Variants in SPG11 observed in about 807,000 individuals in gnomAD.
The protein encoded by SPG11 is SPG11 vesicle trafficking associated, spatacsin, also known as spatacsin.
Under a neutral mutation model 274.0 loss-of-function variants are expected in SPG11, and 222 were observed. That is an observed-to-expected ratio of 0.81 (90% CI 0.73 to 0.91). The LOEUF is 0.91. Ranked by LOEUF, SPG11 falls within the 40% of genes least tolerant of loss-of-function variation. The probability of loss-of-function intolerance (pLI) is 0.00; values close to 1 mark genes in which losing one functional copy is unlikely to be tolerated. For missense variants in SPG11, 3,114 were observed against 2,872.7 expected (o/e 1.08, Z -1.92); for synonymous variants, 1,144 against 1,039.7 (o/e 1.10, Z -1.93).
chr15:44,626,894 C>T (rs1267457939), intron 10 of SPG11, among the ~76,000 whole-genome samples: 1 of 151,832 alleles, frequency 6.6e-6, no homozygotes, highest in Non-Finnish European at 1.5e-5. Context: ...GTAAGTGTTC[C>T]GTAGATATAC....
rs984421764 is a variant in SPG11, at chr15:44,567,571, G to A, written c.6607C>T (p.Leu2203=). The change falls in exon 36 of 40, where the codon CTG becomes TTG. Residue 2203 remains leucine, a synonymous_variant. Coordinates refer to ENST00000261866, the MANE Select transcript of SPG11 (RefSeq NM_025137.4). ...LDPSGTLKTA[L]LDYIKRCRPG... ...CGGCAGCGTTTGATGTAGTCCAGCA[G>A]GGCTGTTTTCAGGGTACCACTCTGC... 18 of 1,613,874 alleles carry A rather than the reference G, an allele frequency of 1.1e-5. No individual in the cohort carries two copies. Among genetic ancestry groups the A allele is most frequent in the African/African-American group, 4.0e-5 (3 of 74,876 alleles).
At chr15:44,639,594 T>C (rs2084381540) in intron 7 of SPG11, among the ~76,000 whole-genome samples, 1 of 151,858 alleles carries the variant, frequency 6.6e-6, no homozygotes. Context: ...TCCCAGCTAC[T>C]CAGAGGCTCA....
intron 29 of SPG11, 76 bp from the exon 30 acceptor site, chr15:44,584,634 T>TG: frequency 3.3e-6 from 5 of 1,537,492 alleles, no homozygotes; most frequent in South Asian, 1.1e-5. Flanking sequence ...TCCCTAAGTA[T>TG]ATCATACTTG....
intron 7 of SPG11, among the ~76,000 whole-genome samples, chr15:44,638,204 G>T (rs946914520): frequency 2.6e-5 from 4 of 152,226 alleles, no homozygotes; most frequent in African/African-American, 9.6e-5. Flanking sequence ...GCTCACGCCT[G>T]TAATCCCAAC....
rs771202464 is a variant in SPG11, at chr15:44,584,013, G to A, written c.5667C>T (p.Gly1889=). The A allele has an allele frequency of 1.2e-6, 2 of 1,614,230 alleles. No individual in the cohort carries two copies. Among genetic ancestry groups the A allele is most frequent in the Non-Finnish European group, 1.7e-6 (2 of 1,180,044 alleles). The change falls in exon 30 of 40, where the codon GGC becomes GGT. Residue 1889 remains glycine, a synonymous_variant. Coordinates refer to ENST00000261866, the MANE Select transcript of SPG11 (RefSeq NM_025137.4). ...ATACTCTACTTGCTTCATGCACACA[G>A]CCATCATCCAGTAGGCGCCCAATCA... ...NFLIGRLLDD[G]CVHEASRVCR... is the part of the protein sequence containing the mutation.
chr15:44,586,417 G>C (rs973452988), intron 28 of SPG11, among the ~76,000 whole-genome samples: 4 of 151,736 alleles, frequency 2.6e-5, no homozygotes, highest in African/African-American at 9.7e-5. Flanking sequence ...AGGCCGAGGT[G>C]GGTGGATCAC....
intron 7 of SPG11, among the ~76,000 whole-genome samples, chr15:44,645,028 A>G (rs1336390201): frequency 1.3e-5 from 2 of 152,238 alleles, no homozygotes. Flanking sequence ...TGCTATTCCT[A>G]TCAAACTACC....
At position 44,600,504 on chromosome 15, in the gene SPG11, C is replaced by T; in HGVS notation, c.3649G>A (p.Val1217Ile). ...GTCTTGCTCTTGATTAATTCCTGGA[C>T]CAGAAAAGTACCAAATGCAAATGAT... ...RPSFAFGTFL[V>I]QELIKSKTPK... The change falls in exon 21 of 40, where the codon GTC becomes ATC. Residue 1217 changes from valine to isoleucine, a missense_variant. Physicochemically the swap from Val to Ile is conservative, Grantham distance 29. Transcript: ENST00000261866. 6.2e-7 allele frequency: 1 copy of T among 1,613,952 alleles called. No individual in the cohort carries two copies. Among genetic ancestry groups the T allele is most frequent in the Non-Finnish European group, 8.5e-7 (1 of 1,179,996 alleles).
chr15:44,571,328 T>C (rs2082418525), intron 33 of SPG11, among the ~76,000 whole-genome samples: 1 of 152,076 alleles, frequency 6.6e-6, no homozygotes, highest in Non-Finnish European at 1.5e-5. Context: ...CTTGACCCCA[T>C]CATTCTGGCT....
intron 30 of SPG11, among the ~76,000 whole-genome samples, chr15:44,575,619 C>T (rs1362945285): frequency 9.9e-5 from 15 of 151,564 alleles, no homozygotes; most frequent in East Asian, 2.0e-4. Flanking sequence ...CTCAGCCTCT[C>T]GAGTAGCTGG....
At chr15:44,615,591 A>G in intron 15 of SPG11, 25 bp from the exon 16 acceptor site, 1 of 1,607,156 alleles carries the variant, frequency 6.2e-7, no homozygotes, top group Non-Finnish European at 8.5e-7. Flanking sequence ...ATAGGATGTC[A>G]AGTTAAAAAG....
In SPG11 at chr15:44,589,354, C is replaced by T. The variant is rs754536969; in HGVS notation, c.4804G>A (p.Val1602Met). Residue 1602 changes from valine (V) to methionine (M), a missense_variant, in exon 28 of 40, where the codon GTG becomes ATG. Physicochemically the swap from Val to Met is conservative, Grantham distance 21. Coordinates refer to ENST00000261866, the MANE Select transcript of SPG11 (RefSeq NM_025137.4). ...AGCATAAGCTTCAAAAGGAAACACA[C>T]CTGATCCTCCAGCCACATGGCAGGG... is the stretch of plus-strand genomic sequence containing the variant. ...VIPAMWLEDQ[V>M]CFLLKLMLQQ... The T allele has an allele frequency of 5.0e-6, 8 of 1,614,154 alleles. No individual in the cohort carries two copies. In the South Asian group the frequency reaches 8.8e-5, roughly 18 times the overall value.
In SPG11 at chr15:44,572,901, A is replaced by G; in HGVS notation, c.6206-81T>C. 1.4e-6 allele frequency: 2 copies of G among 1,425,948 alleles called. 1 individual carries two copies. Among genetic ancestry groups the G allele is most frequent in the South Asian group, 2.3e-5 (2 of 87,336 alleles). 88.3% of individuals were successfully genotyped at this position (1,425,948 alleles called of 1,614,324 possible). ...GCCCAGGCTTAGGCACCAGGAGGTA[A>G]TGCTTATGGAGCTCTGCAGCTCTCC... On this transcript the variant is annotated intron_variant, in intron 32 of 39. Coordinates refer to ENST00000261866, the MANE Select transcript of SPG11 (RefSeq NM_025137.4).
intron 17 of SPG11, among the ~76,000 whole-genome samples, chr15:44,613,014 C>T (rs1321336649): frequency 6.6e-6 from 1 of 152,162 alleles, no homozygotes; most frequent in African/African-American, 2.4e-5. Flanking sequence ...ACACAACAAT[C>T]TCACACATAC....
At chr15:44,620,760 G>A (rs1031587172) in intron 14 of SPG11, 6 of 185,836 alleles carry the variant, frequency 3.2e-5, no homozygotes, top group Admixed American at 5.6e-5. Context: ...GTGCAGTGGC[G>A]CAATCTTGGC....
At position 44,598,672 on chromosome 15, in the gene SPG11, C is replaced by T. The variant is rs748208459; in HGVS notation, c.3851G>A (p.Arg1284Lys). 2 of 1,614,102 alleles carry T rather than the reference C, an allele frequency of 1.2e-6. No individual in the cohort carries two copies. Among genetic ancestry groups the T allele is most frequent in the Non-Finnish European group, 1.7e-6 (2 of 1,180,044 alleles). Residue 1284 changes from arginine to lysine, a missense_variant, in exon 22 of 40, where the codon AGA becomes AAA. Arg to Lys is a conservative substitution (Grantham distance 26). Transcript: ENST00000261866. ...AAAGCTGTACTGAGCATCTTCATTT[C>T]TGCACTTGTAGCTCAAAATTATATT... Reference protein sequence around the residue: ...VANIILSYKCRNEDAQYSFIR... With the variant: ...VANIILSYKCKNEDAQYSFIR...
intron 7 of SPG11, among the ~76,000 whole-genome samples, chr15:44,642,223 G>C (rs923781901): frequency 3.3e-5 from 5 of 151,732 alleles, no homozygotes; most frequent in Non-Finnish European, 7.4e-5. Flanking sequence ...AAAGTTGCCA[G>C]GTGTGGTGGC....
intron 31 of SPG11, 129 bp downstream of exon 31, chr15:44,574,773 C>T: frequency 8.6e-7 from 1 of 1,167,760 alleles, no homozygotes. Flanking sequence ...GGGCCAACAT[C>T]CTGATAAGAG....
intron 4 of SPG11, among the ~76,000 whole-genome samples, chr15:44,655,473 C>T (rs73419510): frequency 5.3e-4 from 81 of 152,212 alleles, no homozygotes; most frequent in African/African-American, 1.9e-3. Flanking sequence ...TATGCTGCTG[C>T]GGTTGCTTGC....
Sources: allele counts gnomAD v4.1 joint callset (sites outside exome capture counted in the v4.1 genomes callset), GRCh38; gene constraint gnomAD v4.1.1; transcripts MANE v1.5; gene names NCBI Gene and HGNC (gene_info 2026-07-23, HGNC 2026-07-21).